Variants in SHBG observed in about 807,000 individuals in gnomAD.
SHBG encodes sex hormone-binding globulin.
A neutral mutation model predicts 41.9 loss-of-function variants in SHBG; 37 were observed. The observed-to-expected ratio is 0.88, with a 90% CI of 0.68 to 1.16. The LOEUF is 1.16. Among genes scored for constraint, SHBG ranks in the 50% most tolerant of loss-of-function variants. SHBG has a pLI of 0.00. For missense variants in SHBG, 466 were observed against 499.9 expected (o/e 0.93, Z 0.65); for synonymous variants, 217 against 205.8 (o/e 1.05, Z -0.47).
upstream of SHBG, among the ~76,000 whole-genome samples, chr17:7,624,249 C>T (rs2072150627): frequency 6.6e-6 from 1 of 151,026 alleles, no homozygotes; most frequent in South Asian, 2.1e-4. Context: ...CCACGCCTGG[C>T]CATTTTCTTT....
At chr17:7,633,075 G>A (rs2072472335) in intron 7 of SHBG, 116 bp downstream of exon 7, 2 of 1,404,812 alleles carry the variant, frequency 1.4e-6, no homozygotes, top group Non-Finnish European at 2.0e-6. Context: ...GCCACAAGAA[G>A]AAGATATGGG....
chr17:7,619,436 G>A (rs1290852879), intron 1 of SHBG, among the ~76,000 whole-genome samples: 6 of 150,736 alleles, frequency 4.0e-5, no homozygotes, highest in Admixed American at 1.3e-4. Flanking sequence ...AGGCTGGTGC[G>A]GTGGCTCATG....
upstream of SHBG, among the ~76,000 whole-genome samples, chr17:7,628,830 C>T (rs533424985): frequency 4.7e-3 from 719 of 151,784 alleles, 5 homozygotes; most frequent in African/African-American, 0.017. Flanking sequence ...CAGAGGCAGG[C>T]GGATCACCTG....
At chr17:7,628,324 C>A (rs1021486733), upstream of SHBG, among the ~76,000 whole-genome samples, 6 of 152,028 alleles carry the variant, frequency 3.9e-5, no homozygotes, top group Non-Finnish European at 8.8e-5. Flanking sequence ...GGTGTAGTGG[C>A]GCGATCTCTG....
rs2072424062 is a variant in SHBG at position 7,631,736 on chromosome 17, T to C, written c.703T>C (p.Phe235Leu). 6.2e-7 allele frequency: 1 copy of C among 1,614,064 alleles called. No individual in the cohort carries two copies. Among genetic ancestry groups the C allele is most frequent in the East Asian group, 2.2e-5 (1 of 44,880 alleles). The change falls in exon 5 of 8, where the codon TTC becomes CTC. Residue 235 changes from phenylalanine (F) to leucine (L), a missense_variant. Phe to Leu is a conservative substitution (Grantham distance 22). Coordinates refer to ENST00000380450, the MANE Select transcript of SHBG (RefSeq NM_001040.5). ...TCTCCCTCCAGGGACTCAGGCAGAA[T>C]TCAATCTCCGAGGTAGATTTCCTCG... ...IFLPPGTQAE[F>L]NLRDIPQPHA...
intron 1 of SHBG, chr17:7,614,388 C>T: frequency 1.7e-6 from 2 of 1,192,616 alleles, no homozygotes; most frequent in East Asian, 2.6e-5. Context: ...CCGCCCCACG[C>T]GTTCCTGCTC....
At chr17:7,626,464 T>C (rs2072209028), upstream of SHBG, 1 of 1,613,996 alleles carries the variant, frequency 6.2e-7, no homozygotes, top group Admixed American at 1.7e-5. Flanking sequence ...CCTGCCAACT[T>C]TCTCGTTGCC....
At chr17:7,623,374 G>A (rs998361675), upstream of SHBG, among the ~76,000 whole-genome samples, 1 of 152,216 alleles carries the variant, frequency 6.6e-6, no homozygotes, top group Non-Finnish European at 1.5e-5. Context: ...TGGGCAACAA[G>A]AGTGAAACTC....
intron 1 of SHBG, among the ~76,000 whole-genome samples, chr17:7,619,568 T>A (rs1227977437): frequency 6.6e-6 from 1 of 151,632 alleles, no homozygotes; most frequent in Non-Finnish European, 1.5e-5. Flanking sequence ...TAGCCAGGCA[T>A]GGTGGCATGC....
chr17:7,616,814 T>C (rs1300000366), intron 1 of SHBG, among the ~76,000 whole-genome samples: 1 of 151,978 alleles, frequency 6.6e-6, no homozygotes, highest in Non-Finnish European at 1.5e-5. Flanking sequence ...TGCATGCCTG[T>C]AAACCCAGCT....
Position 7,630,815 on chromosome 17 carries a change from G to C in SHBG, c.339G>C (p.Trp113Cys). ...CTGAGATCCAACTGCACAATCACTG[G>C]GCCCAGCTTACGGTGGGTGCTGGAC... is the stretch of plus-strand genomic sequence containing the variant. The part of the protein sequence containing the change: ...GRPEIQLHNH[W>C]AQLTVGAGPR... The change falls in exon 3 of 8, where the codon TGG (tryptophan) becomes TGC (cysteine). Residue 113 changes from tryptophan to cysteine, a missense_variant. Physicochemically the swap from Trp to Cys is radical, Grantham distance 215. Transcript: ENST00000380450. This position sits in a 1 kb window ranked among gnomAD's most constrained non-coding sequence, Gnocchi z 4.6. 1 of 1,613,944 alleles carries C rather than the reference G, an allele frequency of 6.2e-7. No homozygotes were observed. Among genetic ancestry groups the C allele is most frequent in the Non-Finnish European group, 8.5e-7 (1 of 1,180,024 alleles).
At chr17:7,624,879 A>C (rs970421971), upstream of SHBG, among the ~76,000 whole-genome samples, 2 of 143,388 alleles carry the variant, frequency 1.4e-5, no homozygotes, top group East Asian at 2.0e-4. Flanking sequence ...CTGCTCTTGA[A>C]CTCCTGGGCT....
At chr17:7,620,652 C>T (rs148631320) in intron 1 of SHBG, among the ~76,000 whole-genome samples, 22 of 150,430 alleles carry the variant, frequency 1.5e-4, no homozygotes, top group African/African-American at 3.7e-4. Context: ...TTTTGGGGGA[C>T]GGAGTTTTGC....
upstream of SHBG, chr17:7,627,572 G>T (rs763087353): frequency 5.6e-5 from 90 of 1,609,750 alleles, no homozygotes; most frequent in Non-Finnish European, 7.3e-5. The surrounding 1 kb of genome is among the most constrained non-coding windows in gnomAD (Gnocchi z 4.8). Context: ...GTCTTCACCC[G>T]AATCAGCCTC....
Position 7,630,148 on chromosome 17 carries a change from G to A in SHBG, c.-25G>A. 3 of 1,588,220 alleles carry A rather than the reference G, an allele frequency of 1.9e-6. No homozygotes were observed. The highest frequency in any genetic ancestry group is 2.6e-6 in the Non-Finnish European group (3 of 1,156,702). ...ACACATTCTCCCAAGAGTTGTCTGAGCCGCCGAGTGGACAGTGGCTGATTA... is the reference window on the plus strand; with the variant it reads ...ACACATTCTCCCAAGAGTTGTCTGAACCGCCGAGTGGACAGTGGCTGATTA... On this transcript the variant is annotated 5_prime_UTR_variant, in exon 1 of 8. Transcript: ENST00000380450. The surrounding 1 kb of genome is among the most constrained non-coding windows in gnomAD (Gnocchi z 4.6).
upstream of SHBG, chr17:7,627,418 A>G: frequency 6.2e-7 from 1 of 1,614,012 alleles, no homozygotes; most frequent in South Asian, 1.1e-5. The surrounding 1 kb of genome is among the most constrained non-coding windows in gnomAD (Gnocchi z 4.8). Flanking sequence ...CTAGCTCCTA[A>G]GGCGTGGGTA....
upstream of SHBG, chr17:7,626,372 G>T: frequency 6.5e-7 from 1 of 1,537,386 alleles, no homozygotes; most frequent in Non-Finnish European, 8.9e-7. Flanking sequence ...CAGTGTCTGT[G>T]GACGTAGTCT....
At chr17:7,614,272 A>G (rs1229392878) in intron 1 of SHBG, among the ~76,000 whole-genome samples, 1 of 152,082 alleles carries the variant, frequency 6.6e-6, no homozygotes, top group African/African-American at 2.4e-5. Context: ...AGGGGTCAAA[A>G]ATAAGAGGAA....
At chr17:7,633,101 T>A in intron 7 of SHBG, 103 bp from the exon 8 acceptor site, 2 of 1,470,124 alleles carry the variant, frequency 1.4e-6, no homozygotes, top group South Asian at 2.3e-5. Flanking sequence ...TGGAAGGTAG[T>A]GCTTTTGCAA....
Sources: gnomAD v4.1 joint callset for allele counts (sites outside exome capture counted in the v4.1 genomes callset) on GRCh38, gnomAD v4.1.1 for gene constraint, Gnocchi (gnomAD v3.1) non-coding constraint, MANE v1.5 for transcripts, NCBI Gene and HGNC (gene_info 2026-07-23, HGNC 2026-07-21) for gene names.